Variants in NCKAP5 observed in about 807,000 individuals in gnomAD.
NCKAP5 encodes nck-associated protein 5.
A neutral mutation model predicts 167.0 loss-of-function variants in NCKAP5; 92 were observed. The observed-to-expected ratio is 0.55, with a 90% CI of 0.47 to 0.66. The LOEUF (loss-of-function observed/expected upper bound fraction) is 0.66, where lower values mean the gene tolerates loss of function less well. NCKAP5 is among the 30% of genes least tolerant of loss of function. NCKAP5 has a pLI of 0.00. For synonymous variants in NCKAP5, 891 were observed against 877.4 expected, an observed-to-expected ratio of 1.02 and a Z score of -0.27; for missense variants, 2,378 against 2,315.0, an observed-to-expected ratio of 1.03 and a Z score of -0.56.
At chr2:133,143,337 C>T (rs144193282) in intron 5 of NCKAP5, among the ~76,000 whole-genome samples, 67 of 152,258 alleles carry the variant, frequency 4.4e-4, no homozygotes, top group Middle Eastern at 3.4e-3. Context: ...ACAACAGAGG[C>T]TCTCCACCTC....
chr2:133,448,492 C>T (rs10496705), intron 3 of NCKAP5, among the ~76,000 whole-genome samples: 15,619 of 152,170 alleles, frequency 0.1, 1,530 homozygotes, highest in East Asian at 0.25. Context: ...ACAAAAGTAG[C>T]GCATGTATGT....
intron 3 of NCKAP5, among the ~76,000 whole-genome samples, chr2:133,500,928 G>T (rs1305480645): frequency 6.6e-6 from 1 of 152,102 alleles, no homozygotes; most frequent in African/African-American, 2.4e-5. Flanking sequence ...ATTAATCCTT[G>T]TAACACCATC....
chr2:133,068,934 A>G (rs1337352958), intron 6 of NCKAP5, among the ~76,000 whole-genome samples: 1 of 152,262 alleles, frequency 6.6e-6, no homozygotes, highest in Non-Finnish European at 1.5e-5. Context: ...TAAATGTGAA[A>G]CAAGGCAATC....
At chr2:133,662,505 A>G in the NCKAP5 span, among the ~76,000 whole-genome samples, 1 of 151,242 alleles carries the variant, frequency 6.6e-6, no homozygotes, top group African/African-American at 2.4e-5. Flanking sequence ...GTAAATACAT[A>G]TATACATTTA....
chr2:133,360,190 T>G (rs1283722045), intron 3 of NCKAP5, among the ~76,000 whole-genome samples: 1 of 152,156 alleles, frequency 6.6e-6, no homozygotes, highest in Admixed American at 6.5e-5. Context: ...ACATTCCCAA[T>G]TCAAGTAGGT....
chr2:133,656,272 C>CAA, the NCKAP5 span, among the ~76,000 whole-genome samples: 4 of 140,390 alleles, frequency 2.8e-5, no homozygotes, highest in African/African-American at 5.1e-5. Flanking sequence ...AACAAACAAA[C>CAA]AAAAAAAAAA....
intron 16 of NCKAP5, among the ~76,000 whole-genome samples, chr2:132,759,554 C>T (rs1339675765): frequency 6.6e-6 from 1 of 152,120 alleles, no homozygotes; most frequent in Non-Finnish European, 1.5e-5. Context: ...AAATGCCAAA[C>T]TTAACTCCCA....
At chr2:133,617,999 C>G in the NCKAP5 span, among the ~76,000 whole-genome samples, 7 of 151,662 alleles carry the variant, frequency 4.6e-5, no homozygotes, top group Admixed American at 3.3e-4. Context: ...AAATAATGCC[C>G]CATATCTACA....
At chr2:133,599,058 T>C in the NCKAP5 span, among the ~76,000 whole-genome samples, 1 of 152,236 alleles carries the variant, frequency 6.6e-6, no homozygotes, top group Admixed American at 6.5e-5. Flanking sequence ...GTCATTGGAA[T>C]AGAACTCTTT....
At chr2:132,677,465 T>C (rs1684640010) in intron 19 of NCKAP5, among the ~76,000 whole-genome samples, 1 of 152,150 alleles carries the variant, frequency 6.6e-6, no homozygotes, top group African/African-American at 2.4e-5. Context: ...ACTAATCTAC[T>C]ATGTGACCAG....
rs140972089 is a variant in NCKAP5 at position 132,772,880 on chromosome 2, C to T, written c.5128+936G>A. Among the ~76,000 whole-genome samples the T allele has an allele frequency of 2.6e-5, 4 of 152,258 alleles. No homozygotes were observed. The East Asian group carries it at 5.8e-4, about 22-fold the overall frequency. ...TCAGCCACAAAGTGTGCCAACATGG[C>T]GCCGAATAGTGGGAGACTGAGAGTA... On this transcript the variant is annotated intron_variant, in intron 16 of 19. Transcript: ENST00000409261.
chr2:133,048,665 C>G (rs1288787390), intron 6 of NCKAP5, among the ~76,000 whole-genome samples: 1 of 152,186 alleles, frequency 6.6e-6, no homozygotes, highest in Non-Finnish European at 1.5e-5. Flanking sequence ...CATATTGTCA[C>G]ATTTTACCAG....
At chr2:133,312,361 C>T (rs113021058) in intron 3 of NCKAP5, among the ~76,000 whole-genome samples, 7,664 of 152,198 alleles carry the variant, frequency 0.05, 281 homozygotes, top group Middle Eastern at 0.1. Flanking sequence ...TAACTGTTCC[C>T]TATTAGATAT....
rs139915453 is a variant in NCKAP5, at chr2:133,411,150, A to G, written c.69+106308T>C. Among the ~76,000 whole-genome samples the G allele has an allele frequency of 2.0e-5, 3 of 152,280 alleles. No individual in the cohort carries two copies. In the East Asian group the frequency reaches 5.8e-4, roughly 29 times the overall value. On this transcript the variant is annotated intron_variant, in intron 3 of 19. Coordinates refer to ENST00000409261, the MANE Select transcript of NCKAP5 (RefSeq NM_207363.3). ...TGAGGATCATAATGATCCATCTTGCATCTTCTTATTTTCCAATGGGAACGC... is the reference window on the plus strand; with the variant it reads ...TGAGGATCATAATGATCCATCTTGCGTCTTCTTATTTTCCAATGGGAACGC...
chr2:132,972,532 T>C (rs777906708), intron 7 of NCKAP5, among the ~76,000 whole-genome samples: 3 of 151,840 alleles, frequency 2.0e-5, no homozygotes, highest in African/African-American at 4.8e-5. Context: ...GAGACCATCC[T>C]GGCCACCATG....
At chr2:133,161,522 C>T (rs1167591358) in intron 5 of NCKAP5, among the ~76,000 whole-genome samples, 1 of 152,180 alleles carries the variant, frequency 6.6e-6, no homozygotes, top group Non-Finnish European at 1.5e-5. Context: ...TTGGCAAATA[C>T]AGCCGGGTAC....
chr2:133,256,166 C>T (rs1338978450), intron 4 of NCKAP5, among the ~76,000 whole-genome samples: 9 of 152,094 alleles, frequency 5.9e-5, no homozygotes, highest in Non-Finnish European at 1.3e-4. Context: ...GTTAATGGTA[C>T]TAATCTAACA....
chr2:133,058,938 T>C (rs2079895096), intron 6 of NCKAP5, among the ~76,000 whole-genome samples: 1 of 152,200 alleles, frequency 6.6e-6, no homozygotes, highest in African/African-American at 2.4e-5. Flanking sequence ...TGCTCAAGTT[T>C]CAGCAACCAC....
In NCKAP5 at chr2:133,439,836, GTT is replaced by G. The variant is rs1401676496; in HGVS notation, c.69+77620_69+77621del. 4.6e-5 allele frequency among the ~76,000 whole-genome samples: 7 copies of G among 152,258 alleles called. No individual in the cohort carries two copies. The East Asian group carries it at 1.2e-3, about 25-fold the overall frequency. ...GCAAGTCTAGTAACCATGGAACCAT[GTT>G]TTATGGACTAATAATTGTGATACAA... is the stretch of plus-strand genomic sequence containing the variant. On this transcript the variant is annotated intron_variant, in intron 3 of 19. Coordinates refer to ENST00000409261, the MANE Select transcript of NCKAP5 (RefSeq NM_207363.3).
Sources: gnomAD v4.1 joint callset for allele counts (sites outside exome capture counted in the v4.1 genomes callset) on GRCh38, gnomAD v4.1.1 for gene constraint, MANE v1.5 for transcripts, NCBI Gene and HGNC (gene_info 2026-07-23, HGNC 2026-07-21) for gene names.